Variants in CRPPA observed in about 807,000 individuals in gnomAD.
CRPPA encodes the protein CDP-L-ribitol pyrophosphorylase A, also known as D-ribitol-5-phosphate cytidylyltransferase.
In CRPPA, 43 loss-of-function variants were observed where a neutral mutation model predicts 52.0. The ratio of observed to expected loss-of-function variants is 0.83; its 90% CI spans 0.65 to 1.07. The LOEUF (loss-of-function observed/expected upper bound fraction) is 1.07, where lower values mean the gene tolerates loss of function less well. Among genes scored for constraint, CRPPA ranks in the 50% least tolerant of loss-of-function variants. The probability of loss-of-function intolerance (pLI) is 0.00; values close to 1 mark genes in which losing one functional copy is unlikely to be tolerated. For synonymous variants in CRPPA, 250 were observed against 203.5 expected, an observed-to-expected ratio of 1.23 and a Z score of -1.94; for missense variants, 629 against 551.7, an observed-to-expected ratio of 1.14 and a Z score of -1.40.
intron 9 of CRPPA, among the ~76,000 whole-genome samples, chr7:16,142,957 T>C (rs1055548479): frequency 2.0e-5 from 3 of 152,208 alleles, no homozygotes; most frequent in Admixed American, 1.3e-4. Flanking sequence ...AAAATAATTA[T>C]AGTAAAGACT....
At chr7:16,245,695 G>A (rs186816021) in intron 8 of CRPPA, among the ~76,000 whole-genome samples, 2 of 152,236 alleles carry the variant, frequency 1.3e-5, no homozygotes, top group Admixed American at 1.3e-4. Context: ...CAAAAATATT[G>A]GGAGTTTCCC....
intron 9 of CRPPA, among the ~76,000 whole-genome samples, chr7:16,215,012 G>T (rs1782266216): frequency 6.6e-6 from 1 of 152,108 alleles, no homozygotes; most frequent in Non-Finnish European, 1.5e-5. Flanking sequence ...TGCATATTTT[G>T]GAAGCAGAGG....
intron 9 of CRPPA, among the ~76,000 whole-genome samples, chr7:16,144,161 A>G (rs1182708516): frequency 6.6e-6 from 1 of 152,118 alleles, no homozygotes; most frequent in Non-Finnish European, 1.5e-5. Flanking sequence ...GAATAGAAAC[A>G]ATGTTGTTCC....
At chr7:16,251,993 AAAAAG>A (rs1783468269) in intron 8 of CRPPA, among the ~76,000 whole-genome samples, 1 of 152,180 alleles carries the variant, frequency 6.6e-6, no homozygotes, top group African/African-American at 2.4e-5. Flanking sequence ...CAGACTAATA[AAAAAG>A]AAAAGAGAGA....
intron 9 of CRPPA, among the ~76,000 whole-genome samples, chr7:16,102,610 G>GAA (rs140682981): frequency 6.6e-6 from 1 of 151,488 alleles, no homozygotes; most frequent in East Asian, 1.9e-4. Flanking sequence ...AAATTTACAA[G>GAA]AAAAAAAACA....
At chr7:16,160,620 T>A (rs1783283242) in intron 9 of CRPPA, among the ~76,000 whole-genome samples, 1 of 152,194 alleles carries the variant, frequency 6.6e-6, no homozygotes, top group African/African-American at 2.4e-5. Flanking sequence ...TTTGTTCTTT[T>A]TGCTTAGGAT....
At chr7:16,092,205 G>T (rs1291222944) in intron 9 of CRPPA, among the ~76,000 whole-genome samples, 1 of 151,966 alleles carries the variant, frequency 6.6e-6, no homozygotes, top group Non-Finnish European at 1.5e-5. Flanking sequence ...ACCGGTATAG[G>T]GGGGAAAACC....
intron 2 of CRPPA, among the ~76,000 whole-genome samples, chr7:16,379,307 T>C (rs910619377): frequency 6.6e-6 from 1 of 152,200 alleles, no homozygotes; most frequent in African/African-American, 2.4e-5. Context: ...TGTAGATATG[T>C]GGCATTATTT....
At chr7:16,174,556 G>A (rs146355874) in intron 9 of CRPPA, among the ~76,000 whole-genome samples, 1 of 152,156 alleles carries the variant, frequency 6.6e-6, no homozygotes, top group African/African-American at 2.4e-5. Context: ...ATAGTCGCTG[G>A]TCTTTTAAGC....
chr7:16,160,546 G>A (rs570377390), intron 9 of CRPPA, among the ~76,000 whole-genome samples: 118 of 152,080 alleles, frequency 7.8e-4, no homozygotes, highest in Non-Finnish European at 4.6e-4. Flanking sequence ...TAGCAGTACC[G>A]TGCTGCTTTT....
chr7:16,119,991 T>C (rs1324483232), intron 9 of CRPPA, among the ~76,000 whole-genome samples: 5 of 152,116 alleles, frequency 3.3e-5, no homozygotes, highest in African/African-American at 9.7e-5. Context: ...CATTTAGGAA[T>C]CTAGTGGAAG....
chr7:16,343,348 C>G (rs1265018158), intron 3 of CRPPA, among the ~76,000 whole-genome samples: 1 of 152,094 alleles, frequency 6.6e-6, no homozygotes. Context: ...TCTCCACCCC[C>G]CAACTCTTCT....
chr7:16,163,017 AG>A (rs1357952118), intron 9 of CRPPA, among the ~76,000 whole-genome samples: 1 of 121,988 alleles, frequency 8.2e-6, no homozygotes, highest in East Asian at 2.4e-4. Context: ...TCTGTTGCCC[AG>A]GCTGGAGTGC....
intron 8 of CRPPA, among the ~76,000 whole-genome samples, chr7:16,221,997 G>A (rs1289277764): frequency 2.6e-4 from 40 of 151,744 alleles, no homozygotes; most frequent in Non-Finnish European, 1.6e-4. Flanking sequence ...ACATGCACAC[G>A]TATGTTTATT....
chr7:16,191,523 T>G (rs1355160060), intron 9 of CRPPA, among the ~76,000 whole-genome samples: 1 of 152,132 alleles, frequency 6.6e-6, no homozygotes, highest in Non-Finnish European at 1.5e-5. Flanking sequence ...AATTAAGAAT[T>G]GCCTCGGCAC....
chr7:16,303,032 T>C (rs1784823273), intron 4 of CRPPA, among the ~76,000 whole-genome samples: 1 of 152,158 alleles, frequency 6.6e-6, no homozygotes, highest in Non-Finnish European at 1.5e-5. Flanking sequence ...TTACAACATT[T>C]TCCAGTCATA....
chr7:16,414,660 G>C (rs1413794202), intron 1 of CRPPA, among the ~76,000 whole-genome samples: 2 of 152,160 alleles, frequency 1.3e-5, no homozygotes. Flanking sequence ...TAAGTGATTA[G>C]TACCCCTAAT....
chr7:16,317,034 T>C, intron 3 of CRPPA, among the ~76,000 whole-genome samples: 1 of 152,156 alleles, frequency 6.6e-6, no homozygotes, highest in Admixed American at 6.5e-5. Context: ...TTTAAAGCAA[T>C]GTATAAACTG....
intron 2 of CRPPA, among the ~76,000 whole-genome samples, chr7:16,385,508 T>C (rs1787237389): frequency 6.6e-6 from 1 of 152,006 alleles, no homozygotes; most frequent in Non-Finnish European, 1.5e-5. Flanking sequence ...ATAGGAAAAA[T>C]ATCTCATATC....
Sources: gnomAD v4.1 joint callset for allele counts (sites outside exome capture counted in the v4.1 genomes callset) on GRCh38, gnomAD v4.1.1 for gene constraint, MANE v1.5 for transcripts, NCBI Gene and HGNC (gene_info 2026-07-23, HGNC 2026-07-21) for gene names.